Variants in SH3D19 observed in about 807,000 individuals in gnomAD.
SH3D19 encodes the protein SH3 domain-containing protein 19.
A neutral mutation model predicts 112.1 loss-of-function variants in SH3D19; 58 were observed. The observed-to-expected ratio is 0.52, with a 90% CI of 0.42 to 0.64. The LOEUF is 0.64. Among genes scored for constraint, SH3D19 ranks in the 30% least tolerant of loss-of-function variants. The pLI, the probability that SH3D19 is intolerant of heterozygous loss-of-function variation, is 0.00. For missense variants in SH3D19, 1,090 were observed against 1,263.4 expected (o/e 0.86, Z 2.08); for synonymous variants, 391 against 448.5 (o/e 0.87, Z 1.62).
At chr4:151,237,861 A>C (rs1490956620) in intron 1 of SH3D19, among the ~76,000 whole-genome samples, 1 of 152,216 alleles carries the variant, frequency 6.6e-6, no homozygotes, top group East Asian at 1.9e-4. Context: ...TTACTGGTCA[A>C]GAGGACAGCA....
At chr4:151,219,297 A>G (rs1767649238) in intron 2 of SH3D19, among the ~76,000 whole-genome samples, 1 of 151,982 alleles carries the variant, frequency 6.6e-6, no homozygotes, top group Admixed American at 6.6e-5. Flanking sequence ...CTTAGCTATA[A>G]TCCCCTTTAT....
At chr4:151,149,215 A>T (rs2149778420) in intron 10 of SH3D19, among the ~76,000 whole-genome samples, 1 of 152,162 alleles carries the variant, frequency 6.6e-6, no homozygotes, top group East Asian at 1.9e-4. Context: ...GTGTGCATGT[A>T]TACGTATATT....
intron 1 of SH3D19, among the ~76,000 whole-genome samples, chr4:151,271,028 A>G (rs1345515028): frequency 6.6e-6 from 1 of 152,088 alleles, no homozygotes; most frequent in Non-Finnish European, 1.5e-5. Context: ...AGTTCAAGCA[A>G]TCCTCCCACC....
At position 151,133,065 on chromosome 4, in the gene SH3D19, C is replaced by T. The variant is rs1386779956; in HGVS notation, c.2658G>A (p.Glu886=). The change falls in exon 16 of 20, where the codon GAG becomes GAA. Residue 886 remains glutamate (E), a synonymous_variant. Coordinates refer to ENST00000604030, the MANE Select transcript of SH3D19 (RefSeq NM_001378122.1). ...IFPLNFVEPV[E]DYPTSGANVL... Reference sequence around the variant, plus strand: ...CATTTGCACCAGAGGTGGGATAATCCTCAACAGGCTCCACAAAGTTCAGGG... The same window carrying T: ...CATTTGCACCAGAGGTGGGATAATCTTCAACAGGCTCCACAAAGTTCAGGG... 6.2e-7 allele frequency: 1 copy of T among 1,613,836 alleles called. No individual in the cohort carries two copies. The highest frequency in any genetic ancestry group is 1.3e-5 in the African/African-American group (1 of 74,888).
At chr4:151,273,427 A>G (rs1773361362) in intron 1 of SH3D19, among the ~76,000 whole-genome samples, 1 of 151,770 alleles carries the variant, frequency 6.6e-6, no homozygotes, top group Admixed American at 6.6e-5. Flanking sequence ...CGTCTCTACT[A>G]AAAATACAAA....
At position 151,174,732 on chromosome 4, in the gene SH3D19, T is replaced by G; in HGVS notation, c.1472A>C (p.Asp491Ala). ...GTTCCCCGATGGGGTGGGCAAAACATCATCATCAAAGCTGATGAGATCGAT... is the reference window on the plus strand; with the variant it reads ...GTTCCCCGATGGGGTGGGCAAAACAGCATCATCAAAGCTGATGAGATCGAT... ...VDIDLISFDD[D>A]VLPTPSGNLA... is the part of the protein sequence containing the mutation. The change falls in exon 7 of 20, where the codon GAT becomes GCT. Residue 491 changes from aspartate (D) to alanine (A), a missense_variant. Coordinates refer to ENST00000604030, the MANE Select transcript of SH3D19 (RefSeq NM_001378122.1). 6.6e-7 allele frequency: 1 copy of G among 1,517,362 alleles called. No individual in the cohort carries two copies. The highest frequency in any genetic ancestry group is 8.8e-7 in the Non-Finnish European group (1 of 1,134,862). 94.0% of individuals were successfully genotyped at this position (1,517,362 alleles called of 1,614,324 possible).
At chr4:151,238,123 C>T (rs1004056857) in intron 1 of SH3D19, among the ~76,000 whole-genome samples, 1 of 152,192 alleles carries the variant, frequency 6.6e-6, no homozygotes, top group Non-Finnish European at 1.5e-5. Flanking sequence ...TTCCATTCTC[C>T]CTAATGTCTT....
chr4:151,251,853 T>C (rs1458169213), intron 1 of SH3D19, among the ~76,000 whole-genome samples: 1 of 152,208 alleles, frequency 6.6e-6, no homozygotes, highest in Non-Finnish European at 1.5e-5. Context: ...ATTTTCTTAG[T>C]TCATTCATCT....
chr4:151,255,632 G>A (rs1356689949), intron 1 of SH3D19, among the ~76,000 whole-genome samples: 33 of 152,236 alleles, frequency 2.2e-4, no homozygotes, highest in Non-Finnish European at 3.5e-4. Flanking sequence ...GGTGGCGGCC[G>A]GGCAGAGGCT....
At chr4:151,152,396 T>C (rs1316599841) in intron 9 of SH3D19, among the ~76,000 whole-genome samples, 1 of 152,232 alleles carries the variant, frequency 6.6e-6, no homozygotes, top group East Asian at 1.9e-4. Flanking sequence ...TTTTAGTTTC[T>C]GGTGAAGTTG....
intron 1 of SH3D19, among the ~76,000 whole-genome samples, chr4:151,269,470 G>T (rs1459658108): frequency 2.6e-5 from 4 of 152,062 alleles, no homozygotes; most frequent in Non-Finnish European, 4.4e-5. Context: ...GTCAATTTTG[G>T]CTTTTGTTGC....
chr4:151,291,431 G>A, intron 1 of SH3D19: 1 of 1,611,800 alleles, frequency 6.2e-7, no homozygotes, highest in Non-Finnish European at 8.5e-7. Flanking sequence ...AATGCATGGA[G>A]ATTTAGTCCC....
chr4:151,141,323 G>A lies in SH3D19; in HGVS notation c.2224-1476C>T, dbSNP rs551593432. Among the ~76,000 whole-genome samples, 34 of 152,146 alleles carry A rather than the reference G, an allele frequency of 2.2e-4. No individual in the cohort carries two copies. The East Asian group carries it at 5.0e-3, about 22-fold the overall frequency. On this transcript the variant is annotated intron_variant, in intron 12 of 19. Coordinates refer to ENST00000604030, the MANE Select transcript of SH3D19 (RefSeq NM_001378122.1). ...GTATTTTTTGTAGAGATTGGGTCTC[G>A]CCACGTTGCCCAGGCTGGTCTCAAA...
intron 19 of SH3D19, among the ~76,000 whole-genome samples, chr4:151,123,065 T>C (rs1280438667): frequency 2.0e-5 from 3 of 152,210 alleles, no homozygotes; most frequent in Non-Finnish European, 4.4e-5. Context: ...TTGGCCAGGC[T>C]GGTCTCAAAC....
At chr4:151,247,320 G>A (rs2149973725) in intron 1 of SH3D19, among the ~76,000 whole-genome samples, 1 of 152,268 alleles carries the variant, frequency 6.6e-6, no homozygotes, top group African/African-American at 2.4e-5. Context: ...AATAGCATTA[G>A]AATAATCTGT....
chr4:151,284,189 C>T (rs1774517184), intron 1 of SH3D19, among the ~76,000 whole-genome samples: 1 of 152,162 alleles, frequency 6.6e-6, no homozygotes, highest in South Asian at 2.1e-4. Flanking sequence ...CTCTCTCCTC[C>T]CCTTCTAGAT....
chr4:151,307,872 G>A (rs944826885), intron 1 of SH3D19, among the ~76,000 whole-genome samples: 1 of 152,108 alleles, frequency 6.6e-6, no homozygotes, highest in Non-Finnish European at 1.5e-5. Flanking sequence ...AAATGTAATC[G>A]AACTAAAAAT....
chr4:151,168,405 T>TC lies in SH3D19; in HGVS notation c.1535-2710_1535-2709insG, dbSNP rs1483109223. Among the ~76,000 whole-genome samples the TC allele has an allele frequency of 2.0e-4, 31 of 151,972 alleles. 1 individual carries two copies. Among genetic ancestry groups the TC allele is most frequent in the Non-Finnish European group, 8.8e-5 (6 of 67,894 alleles). On this transcript the variant is annotated intron_variant, in intron 7 of 19. Coordinates refer to ENST00000604030, the MANE Select transcript of SH3D19 (RefSeq NM_001378122.1). Reference sequence around the variant, plus strand: ...TATCTTTCGAGTAGCATTTCTTTTTTTTTTTTTTTTGAGACACGGTCTCAC... The same window carrying TC: ...TATCTTTCGAGTAGCATTTCTTTTTTCTTTTTTTTTTGAGACACGGTCTCAC...
intron 10 of SH3D19, among the ~76,000 whole-genome samples, chr4:151,148,481 G>T (rs1483578102): frequency 6.6e-6 from 1 of 152,058 alleles, no homozygotes; most frequent in Non-Finnish European, 1.5e-5. Flanking sequence ...GGCTCTCTAA[G>T]GTCCCATTTG....
Sources: gnomAD v4.1 joint callset for allele counts (sites outside exome capture counted in the v4.1 genomes callset) on GRCh38, gnomAD v4.1.1 for gene constraint, MANE v1.5 for transcripts, NCBI Gene and HGNC (gene_info 2026-07-23, HGNC 2026-07-21) for gene names.